The following FUNDC2 variants were observed in gnomAD, a reference collection of about 807,000 sequenced individuals.
FUNDC2 encodes FUN14 domain containing 2.
Under a neutral mutation model 15.6 loss-of-function variants are expected in FUNDC2, and 4 were observed. The observed-to-expected ratio is 0.26, with a 90% CI of 0.13 to 0.59. The LOEUF is 0.59. Among genes scored for constraint, FUNDC2 ranks in the 20% least tolerant of loss-of-function variants. FUNDC2 has a pLI of 0.90. For synonymous variants in FUNDC2, 44 were observed against 56.9 expected (o/e 0.77, Z 1.02); for missense variants, 98 against 149.7 (o/e 0.65, Z 1.80).
intron 4 of FUNDC2, among the ~76,000 whole-genome samples, chrX:155,053,137 G>A (rs781869253): frequency 8.9e-6 from 1 of 112,507 alleles, no homozygotes; most frequent in East Asian, 2.8e-4. Flanking sequence ...CCAAAGTGCT[G>A]GCATTACAGG....
rs189788174 is a variant in FUNDC2, at chrX:155,043,091, G to A, written c.285-3418G>A. ...AGTGGAACTGCAGGTGCATGCTACC[G>A]TGCCTGGCTAATTTAAAAAAGTTAT... On this transcript the variant is annotated intron_variant, in intron 2 of 4. Transcript: ENST00000369498. Among the ~76,000 whole-genome samples, 77 of 110,882 alleles carry A rather than the reference G, an allele frequency of 6.9e-4. 1 individual carries two copies. Among genetic ancestry groups the A allele is most frequent in the African/African-American group, 2.3e-3 (71 of 30,447 alleles).
chrX:155,035,872 T>A (rs1278816831), intron 2 of FUNDC2, among the ~76,000 whole-genome samples: 1 of 112,203 alleles, frequency 8.9e-6, no homozygotes, highest in African/African-American at 3.2e-5. Flanking sequence ...TAAGTAGTAC[T>A]CCATTGTATG....
In FUNDC2 at chrX:155,054,702, G is replaced by T. The variant is rs781997509; in HGVS notation, c.*30G>T. 4.4e-6 allele frequency: 5 copies of T among 1,143,012 alleles called. No homozygotes were observed. Among genetic ancestry groups the T allele is most frequent in the Middle Eastern group, 2.4e-4 (1 of 4,113 alleles). 94.2% of individuals were successfully genotyped at this position (1,143,012 alleles called of 1,213,427 possible). ...GATGACCTCATGTTCATTGTTCCTG[G>T]TTTTTTCCAGCCAGCAGCCTCTACA... On this transcript the variant is annotated 3_prime_UTR_variant, in exon 5 of 5. Transcript: ENST00000369498.
chrX:155,047,351 G>A (rs782143030), intron 3 of FUNDC2: 38 of 340,891 alleles, frequency 1.1e-4, no homozygotes, highest in African/African-American at 4.8e-4. Context: ...ATTCACAGCC[G>A]TTTGTCTCTT....
In FUNDC2 at chrX:155,057,080, T is replaced by C. The variant is rs186680592; in HGVS notation, c.*2408T>C. ...ACGGCTGTGAGTTCTGCCCACGGTG[T>C]GAGGCCACTGTGACCACTTGGGATT... On this transcript the variant is annotated 3_prime_UTR_variant, in exon 5 of 5. Coordinates refer to ENST00000369498, the MANE Select transcript of FUNDC2 (RefSeq NM_023934.4). 1 of 99,656 alleles carries C rather than the reference T, an allele frequency of 1.0e-5. No individual in the cohort carries two copies. Among genetic ancestry groups the C allele is most frequent in the Non-Finnish European group, 2.2e-5 (1 of 45,198 alleles). The allele number at this position is 99,656 out of a possible 1,213,427, so 8.2% of individuals were successfully genotyped here. A position where few individuals can be genotyped will look rare whatever the true frequency, so the allele number is the denominator to read the frequency against.
At position 155,058,886 on chromosome X, in the gene FUNDC2, C is replaced by T. The variant is rs1349220185; in HGVS notation, c.*4214C>T. Reference sequence around the variant, plus strand: ...TTTATAAAGCTTTAAAGTCAGTTTACTGACTTTTCAAAAGTGTCTACCTTT... The same window carrying T: ...TTTATAAAGCTTTAAAGTCAGTTTATTGACTTTTCAAAAGTGTCTACCTTT... On this transcript the variant is annotated 3_prime_UTR_variant, in exon 5 of 5. Transcript: ENST00000369498. 3.6e-5 allele frequency: 4 copies of T among 110,992 alleles called. No homozygotes were observed. Among genetic ancestry groups the T allele is most frequent in the Non-Finnish European group, 5.7e-5 (3 of 52,976 alleles). The allele number at this position is 110,992 out of a possible 1,213,427, so 9.1% of individuals were successfully genotyped here. A position where few individuals can be genotyped will look rare whatever the true frequency, so the allele number is the denominator to read the frequency against.
intron 1 of FUNDC2, among the ~76,000 whole-genome samples, chrX:155,030,495 A>G (rs1557288643): frequency 9.1e-6 from 1 of 110,130 alleles, no homozygotes; most frequent in Non-Finnish European, 1.9e-5. Flanking sequence ...AATCTGTGAT[A>G]GTGCCACTGC....
At chrX:155,046,383 T>C in intron 2 of FUNDC2, 126 bp from the exon 3 acceptor site, 1 of 573,180 alleles carries the variant, frequency 1.7e-6, no homozygotes, top group Non-Finnish European at 3.0e-6. Context: ...TGGGGCTGGC[T>C]TTATGTAGGG....
intron 1 of FUNDC2, among the ~76,000 whole-genome samples, chrX:155,032,350 G>A (rs2073818426): frequency 2.0e-5 from 2 of 98,250 alleles, no homozygotes; most frequent in African/African-American, 3.8e-5. Context: ...GCAGTGGTGC[G>A]ATCTTGGCTC....
At chrX:155,035,312 T>C in intron 2 of FUNDC2, among the ~76,000 whole-genome samples, 1 of 112,158 alleles carries the variant, frequency 8.9e-6, no homozygotes, top group Non-Finnish European at 1.9e-5. Context: ...TGTGAGTGTG[T>C]GTGCGCATGC....
chrX:155,027,185 G>C, intron 1 of FUNDC2, 114 bp downstream of exon 1: 1 of 852,115 alleles, frequency 1.2e-6, no homozygotes, highest in Non-Finnish European at 1.5e-6. Flanking sequence ...GAGTCCAAGC[G>C]GCGCGGGGAC....
intron 2 of FUNDC2, among the ~76,000 whole-genome samples, chrX:155,040,652 A>G (rs1247888104): frequency 8.9e-6 from 1 of 111,996 alleles, no homozygotes; most frequent in Non-Finnish European, 1.9e-5. Flanking sequence ...AACATTGGGT[A>G]TAAGTATTTT....
At chrX:155,032,265 C>G (rs1289237921) in intron 1 of FUNDC2, among the ~76,000 whole-genome samples, 1 of 107,243 alleles carries the variant, frequency 9.3e-6, no homozygotes, top group Non-Finnish European at 1.9e-5. Context: ...CGTGAGCCAC[C>G]ACGCCTGGTG....
At chrX:155,028,062 CTT>C (rs1319368583) in intron 1 of FUNDC2, among the ~76,000 whole-genome samples, 15 of 111,055 alleles carry the variant, frequency 1.4e-4, no homozygotes, top group African/African-American at 4.9e-4. Flanking sequence ...CTCTTATAGA[CTT>C]TTATAAGAGC....
chrX:155,046,200 G>T (rs1168753933), intron 2 of FUNDC2, among the ~76,000 whole-genome samples: 1 of 109,479 alleles, frequency 9.1e-6, no homozygotes, highest in Admixed American at 9.8e-5. Context: ...CTTCTGGATC[G>T]CTACCTCACC....
chrX:155,030,933 C>T (rs958862994), intron 1 of FUNDC2, among the ~76,000 whole-genome samples: 21 of 110,939 alleles, frequency 1.9e-4, no homozygotes, highest in Middle Eastern at 4.7e-3. Flanking sequence ...GTGATCCACC[C>T]GCCTCGGCCT....
At chrX:155,027,115 T>G in intron 1 of FUNDC2, 44 bp downstream of exon 1, 1 of 1,064,289 alleles carries the variant, frequency 9.4e-7, no homozygotes, top group Non-Finnish European at 1.2e-6. Context: ...GGGAGCCGCC[T>G]TCCTGGGCTC....
At chrX:155,042,576 T>C (rs782314983) in intron 2 of FUNDC2, among the ~76,000 whole-genome samples, 1 of 111,879 alleles carries the variant, frequency 8.9e-6, no homozygotes, top group African/African-American at 3.3e-5. Context: ...TCTGTTGTCC[T>C]TCAAATATTT....
At chrX:155,032,747 A>C (rs2073819749) in intron 1 of FUNDC2, among the ~76,000 whole-genome samples, 1 of 112,135 alleles carries the variant, frequency 8.9e-6, no homozygotes, top group Non-Finnish European at 1.9e-5. Flanking sequence ...GTACTTAGAA[A>C]ATTTGTGGAT....
Sources: gnomAD v4.1 joint callset for allele counts (sites outside exome capture counted in the v4.1 genomes callset) on GRCh38, gnomAD v4.1.1 for gene constraint, MANE v1.5 for transcripts, NCBI Gene and HGNC (gene_info 2026-07-23, HGNC 2026-07-21) for gene names.